COL25A1: variants seen among roughly 807,000 people sequenced by gnomAD.
COL25A1 encodes the protein collagen alpha-1(XXV) chain.
Under a neutral mutation model 128.4 loss-of-function variants are expected in COL25A1, and 103 were observed. The ratio of observed to expected loss-of-function variants is 0.80; its 90% CI spans 0.68 to 0.94. The LOEUF is 0.94. COL25A1 is among the 40% of genes least tolerant of loss of function. The pLI is 0.00. For missense variants in COL25A1, 745 were observed against 840.0 expected (o/e 0.89, Z 1.40); for synonymous variants, 279 against 277.2 (o/e 1.01, Z -0.06).
intron 5 of COL25A1, among the ~76,000 whole-genome samples, chr4:109,041,134 C>T (rs1759851088): frequency 6.6e-6 from 1 of 151,928 alleles, no homozygotes; most frequent in African/African-American, 2.4e-5. Context: ...AGGAGGTTAC[C>T]CTGGACCCAA....
At chr4:108,841,857 G>A in intron 30 of COL25A1, 136 bp from the exon 31 acceptor site, 1 of 707,760 alleles carries the variant, frequency 1.4e-6, no homozygotes. Flanking sequence ...GCAGGCTAGT[G>A]GATGTTATTT....
At chr4:108,919,831 T>C (rs1212540228) in intron 12 of COL25A1, among the ~76,000 whole-genome samples, 3 of 152,138 alleles carry the variant, frequency 2.0e-5, no homozygotes, top group Non-Finnish European at 4.4e-5. Flanking sequence ...GGCACAGTCT[T>C]GGCTCACTGC....
intron 3 of COL25A1, among the ~76,000 whole-genome samples, chr4:109,227,351 T>C (rs1043768242): frequency 6.6e-6 from 1 of 152,220 alleles, no homozygotes; most frequent in Non-Finnish European, 1.5e-5. Flanking sequence ...ATGAAATACA[T>C]AGCATAATGA....
chr4:108,978,284 C>A (rs1752633057), intron 6 of COL25A1, among the ~76,000 whole-genome samples: 2 of 152,226 alleles, frequency 1.3e-5, no homozygotes, highest in African/African-American at 4.8e-5. Context: ...GACGCTCCGG[C>A]CCCGACTTGT....
intron 3 of COL25A1, among the ~76,000 whole-genome samples, chr4:109,074,310 C>T (rs181079767): frequency 4.6e-5 from 7 of 152,266 alleles, no homozygotes; most frequent in African/African-American, 1.4e-4. Flanking sequence ...ACCCTTGATT[C>T]AGGCAGACTC....
At chr4:108,985,854 A>C (rs1216241577) in intron 6 of COL25A1, among the ~76,000 whole-genome samples, 1 of 152,176 alleles carries the variant, frequency 6.6e-6, no homozygotes, top group Non-Finnish European at 1.5e-5. Context: ...GCAATCCTGC[A>C]TTCTCAAGTG....
intron 32 of COL25A1, among the ~76,000 whole-genome samples, chr4:108,831,668 A>G (rs1733115172): frequency 1.4e-5 from 2 of 142,918 alleles, no homozygotes; most frequent in Admixed American, 1.5e-4. Flanking sequence ...GTGGGAGAAA[A>G]ACAGAAAGAG....
intron 3 of COL25A1, among the ~76,000 whole-genome samples, chr4:109,260,857 A>T (rs1228590312): frequency 6.6e-6 from 1 of 152,182 alleles, no homozygotes; most frequent in East Asian, 1.9e-4. Context: ...GAGGAAAAAA[A>T]ACAATATTAT....
At chr4:108,983,096 GC>G (rs1753178179) in intron 6 of COL25A1, among the ~76,000 whole-genome samples, 1 of 152,146 alleles carries the variant, frequency 6.6e-6, no homozygotes, top group Non-Finnish European at 1.5e-5. Flanking sequence ...TACCGCTCCT[GC>G]CAATCAAAAC....
chr4:108,853,176 A>G (rs1255950675), intron 24 of COL25A1, among the ~76,000 whole-genome samples: 1 of 152,132 alleles, frequency 6.6e-6, no homozygotes, highest in African/African-American at 2.4e-5. Context: ...CAAAATTTTA[A>G]TTCACCTGAT....
At chr4:109,000,080 C>T (rs192812974) in intron 6 of COL25A1, among the ~76,000 whole-genome samples, 42 of 151,938 alleles carry the variant, frequency 2.8e-4, no homozygotes, top group Admixed American at 5.2e-4. Flanking sequence ...CAAACCTGCA[C>T]ATTGTACACA....
intron 6 of COL25A1, among the ~76,000 whole-genome samples, chr4:109,000,769 G>C (rs148946704): frequency 0.12 from 6,017 of 50,208 alleles, 86 homozygotes; most frequent in East Asian, 0.28. Flanking sequence ...AAAAAAAAAA[G>C]AAAAAACTAT....
chr4:109,219,992 T>A (rs1560889371), intron 3 of COL25A1, among the ~76,000 whole-genome samples: 1 of 152,196 alleles, frequency 6.6e-6, no homozygotes, highest in South Asian at 2.1e-4. Flanking sequence ...ATGTATTACT[T>A]GTTTTGTAAT....
intron 3 of COL25A1, among the ~76,000 whole-genome samples, chr4:109,143,860 G>A (rs1201252015): frequency 6.6e-6 from 1 of 152,130 alleles, no homozygotes; most frequent in East Asian, 1.9e-4. Flanking sequence ...GCTCGGAGGA[G>A]TTTACTATTG....
intron 6 of COL25A1, among the ~76,000 whole-genome samples, chr4:108,989,816 A>T (rs1251505859): frequency 1.3e-5 from 2 of 152,214 alleles, no homozygotes; most frequent in Non-Finnish European, 2.9e-5. Flanking sequence ...TCTACTATCC[A>T]AAAAATAAGT....
chr4:108,829,344 A>T (rs923918904), intron 32 of COL25A1, among the ~76,000 whole-genome samples: 5 of 152,098 alleles, frequency 3.3e-5, no homozygotes, highest in Non-Finnish European at 7.4e-5. Flanking sequence ...CTCTAAAAAA[A>T]CAACCAAACA....
chr4:108,835,859 G>GTTTTTTTTTTTTTTTT (rs1560721327), intron 31 of COL25A1, among the ~76,000 whole-genome samples: 9 of 89,518 alleles, frequency 1.0e-4, no homozygotes, highest in Non-Finnish European at 1.9e-4. Context: ...GCTTACATAC[G>GTTTTTTTTTTTTTTTT]TCTTTTTTTT....
At chr4:109,218,079 T>A (rs1290040595) in intron 3 of COL25A1, among the ~76,000 whole-genome samples, 1 of 152,214 alleles carries the variant, frequency 6.6e-6, no homozygotes, top group Non-Finnish European at 1.5e-5. Context: ...GTCTTTTTAA[T>A]GGAGATATGT....
In COL25A1 at chr4:108,810,557, A is replaced by C. The variant is rs1730713542; in HGVS notation, c.*3370T>G. On this transcript the variant is annotated 3_prime_UTR_variant, in exon 38 of 38. Coordinates refer to ENST00000399132, the MANE Select transcript of COL25A1 (RefSeq NM_198721.4). ...AAGAAAAAATTAGGTATATTTGTGC[A>C]CTAGGTACTCTATACGGTGTGTGCA... 1.3e-5 allele frequency: 2 copies of C among 152,036 alleles called. No individual in the cohort carries two copies. The highest frequency in any genetic ancestry group is 2.9e-5 in the Non-Finnish European group (2 of 67,886). 9.4% of individuals were successfully genotyped at this position (152,036 alleles called of 1,614,324 possible).
Sources: gnomAD v4.1 joint callset for allele counts (sites outside exome capture counted in the v4.1 genomes callset) on GRCh38, gnomAD v4.1.1 for gene constraint, MANE v1.5 for transcripts, NCBI Gene and HGNC (gene_info 2026-07-23, HGNC 2026-07-21) for gene names.